LRRFIP1: variants seen among roughly 807,000 people sequenced by gnomAD.
LRRFIP1 encodes the protein leucine-rich repeat flightless-interacting protein 1.
Under a neutral mutation model 104.4 loss-of-function variants are expected in LRRFIP1, and 62 were observed. The ratio of observed to expected loss-of-function variants is 0.59; its 90% CI spans 0.48 to 0.73. The LOEUF (loss-of-function observed/expected upper bound fraction) is 0.73. LRRFIP1 is among the 30% of genes least tolerant of loss of function. LRRFIP1 has a pLI of 0.00. For synonymous variants in LRRFIP1, 300 were observed against 299.0 expected, an observed-to-expected ratio of 1.00 and a Z score of -0.03; for missense variants, 796 against 824.5, an observed-to-expected ratio of 0.97 and a Z score of 0.42.
rs888939946 is a variant in LRRFIP1 at position 237,742,578 on chromosome 2, C to A, written c.633+3269C>A. ...GAGACAGAACTAAGCTAGCTCATTT[C>A]CATAATTTCCAAAACTCATGGTCCT... On this transcript the variant is annotated intron_variant, in intron 11 of 23. Coordinates refer to ENST00000308482, the MANE Select transcript of LRRFIP1 (RefSeq NM_001137550.2). 2.0e-5 allele frequency among the ~76,000 whole-genome samples: 3 copies of A among 152,198 alleles called. No individual in the cohort carries two copies. In the East Asian group the frequency reaches 5.8e-4, roughly 29 times the overall value.
intron 1 of LRRFIP1, among the ~76,000 whole-genome samples, chr2:237,643,042 G>A (rs1387302385): frequency 6.6e-6 from 1 of 152,264 alleles, no homozygotes; most frequent in African/African-American, 2.4e-5. Context: ...TTGAGATGAT[G>A]CACATAAAGC....
At chr2:237,772,709 TCTC>T (rs1017324903) in intron 21 of LRRFIP1, 154 bp from the exon 22 acceptor site, 84 of 613,556 alleles carry the variant, frequency 1.4e-4, no homozygotes, top group Admixed American at 7.7e-4. Context: ...GAGAGTGCCT[TCTC>T]CTACTCTCAG....
At chr2:237,641,664 C>T (rs1241775667) in intron 1 of LRRFIP1, among the ~76,000 whole-genome samples, 1 of 152,086 alleles carries the variant, frequency 6.6e-6, no homozygotes, top group Non-Finnish European at 1.5e-5. Context: ...ATAAATTATA[C>T]TGAATATACG....
In LRRFIP1 at chr2:237,653,919, C is replaced by T. The variant is rs139428424; in HGVS notation, c.96+26179C>T. On this transcript the variant is annotated intron_variant, in intron 1 of 23. Transcript: ENST00000308482. The stretch of plus-strand genomic sequence containing the variant: ...AAAACTAGTAGGAGAAAACATAAGG[C>T]GAAAGCTCCATGATATTGTTCCAAA... Among the ~76,000 whole-genome samples, 302 of 152,160 alleles carry T rather than the reference C, an allele frequency of 2.0e-3. 1 individual carries two copies. Among genetic ancestry groups the T allele is most frequent in the African/African-American group, 6.9e-3 (287 of 41,486 alleles).
At chr2:237,718,338 C>T (rs2094419973) in intron 4 of LRRFIP1, among the ~76,000 whole-genome samples, 1 of 152,250 alleles carries the variant, frequency 6.6e-6, no homozygotes, top group Non-Finnish European at 1.5e-5. Context: ...ATCTTGTCCG[C>T]TGTGCCTGCC....
intron 1 of LRRFIP1, among the ~76,000 whole-genome samples, chr2:237,680,983 AAAC>A (rs536032618): frequency 1.7e-4 from 26 of 152,316 alleles, no homozygotes; most frequent in Admixed American, 3.3e-4. Flanking sequence ...CCTGTGTCAA[AAAC>A]AACAACAACA....
intron 11 of LRRFIP1, among the ~76,000 whole-genome samples, chr2:237,739,570 A>T (rs560253615): frequency 1.1e-3 from 167 of 152,302 alleles, no homozygotes; most frequent in Non-Finnish European, 2.0e-3. Flanking sequence ...TTTATGATTT[A>T]AAAATTTGAA....
chr2:237,642,586 T>G (rs2084174825), intron 1 of LRRFIP1, among the ~76,000 whole-genome samples: 1 of 151,772 alleles, frequency 6.6e-6, no homozygotes, highest in Admixed American at 6.6e-5. Context: ...GGGTTCCCAG[T>G]TCCAGGTTTC....
At chr2:237,734,189 T>C (rs1379808956) in intron 9 of LRRFIP1, among the ~76,000 whole-genome samples, 1 of 152,178 alleles carries the variant, frequency 6.6e-6, no homozygotes, top group Non-Finnish European at 1.5e-5. Context: ...ACTTTGGAAA[T>C]TTCCAGTTTT....
chr2:237,760,885 G>A (rs1453561355), intron 19 of LRRFIP1, among the ~76,000 whole-genome samples: 1 of 152,134 alleles, frequency 6.6e-6, no homozygotes, highest in African/African-American at 2.4e-5. Context: ...GTAGATCAGA[G>A]GAATATTTTA....
chr2:237,652,701 C>G (rs1393952895), intron 1 of LRRFIP1, among the ~76,000 whole-genome samples: 1 of 152,184 alleles, frequency 6.6e-6, no homozygotes, highest in Non-Finnish European at 1.5e-5. Flanking sequence ...AGAAAACAAT[C>G]TTGGCTGGGC....
At chr2:237,767,255 T>G (rs1017437732) in intron 19 of LRRFIP1, among the ~76,000 whole-genome samples, 1 of 152,038 alleles carries the variant, frequency 6.6e-6, no homozygotes, top group African/African-American at 2.4e-5. Context: ...ATAGAGCAAT[T>G]TAGAAAGATT....
At chr2:237,710,185 A>G (rs1465790302) in intron 2 of LRRFIP1, among the ~76,000 whole-genome samples, 1 of 152,116 alleles carries the variant, frequency 6.6e-6, no homozygotes, top group Admixed American at 6.5e-5. Context: ...TTAAATGACA[A>G]AATCTCAGGT....
intron 1 of LRRFIP1, among the ~76,000 whole-genome samples, chr2:237,644,636 T>A (rs188693846): frequency 6.6e-6 from 1 of 152,362 alleles, no homozygotes; most frequent in Admixed American, 6.5e-5. Context: ...ATACATAACC[T>A]GTTCTCAGCA....
At chr2:237,763,957 G>A (rs1208058570) in intron 19 of LRRFIP1, 1 of 1,614,214 alleles carries the variant, frequency 6.2e-7, no homozygotes, top group Non-Finnish European at 8.5e-7. Flanking sequence ...AAAGTACAGA[G>A]AGGTGTGAGA....
In LRRFIP1 at chr2:237,771,563, C is replaced by A. The variant is rs1009319303; in HGVS notation, c.1510-518C>A. Among the ~76,000 whole-genome samples, 13 of 92,794 alleles carry A rather than the reference C, an allele frequency of 1.4e-4. 1 individual carries two copies. Among genetic ancestry groups the A allele is most frequent in the African/African-American group, 3.5e-4 (7 of 19,746 alleles). 60.9% of individuals were successfully genotyped at this position (92,794 alleles called of 152,430 possible). On this transcript the variant is annotated intron_variant, in intron 20 of 23. Transcript: ENST00000308482. ...GTCCTGGAACCAATCCCCCCCCCCC[C>A]CCGCCCAGATACCAAGGGACAACTG...
intron 7 of LRRFIP1, among the ~76,000 whole-genome samples, chr2:237,727,311 A>C (rs1178752023): frequency 6.6e-6 from 1 of 151,282 alleles, no homozygotes; most frequent in African/African-American, 2.4e-5. Flanking sequence ...AGCTGAGCTC[A>C]CACTACTGCA....
chr2:237,705,198 G>A lies in LRRFIP1; in HGVS notation c.97-3346G>A, dbSNP rs3769098. Among the ~76,000 whole-genome samples, 344 of 152,276 alleles carry A rather than the reference G, an allele frequency of 2.3e-3. 10 individuals carry two copies. The East Asian group carries it at 0.046, about 21-fold the overall frequency. On this transcript the variant is annotated intron_variant, in intron 1 of 23. Transcript: ENST00000308482. ...CAGGCAGGCGGGGAAGTGGGTGGGC[G>A]TGCAGGTGCCTGGGACCCCCCTCAG...
intron 11 of LRRFIP1, among the ~76,000 whole-genome samples, chr2:237,741,422 A>G (rs1458880895): frequency 6.6e-6 from 1 of 152,266 alleles, no homozygotes; most frequent in African/African-American, 2.4e-5. Context: ...TAGTAGAGCA[A>G]TAAACATAAG....
Sources: gnomAD v4.1 joint callset for allele counts (sites outside exome capture counted in the v4.1 genomes callset) on GRCh38, gnomAD v4.1.1 for gene constraint, MANE v1.5 for transcripts, NCBI Gene and HGNC (gene_info 2026-07-23, HGNC 2026-07-21) for gene names.